The following FTO variants were observed in gnomAD, a reference collection of about 807,000 sequenced individuals.
FTO encodes FTO alpha-ketoglutarate dependent dioxygenase.
FTO carries 47 observed loss-of-function variants against 63.9 expected under a neutral mutation model. The observed-to-expected ratio is 0.74, with a 90% CI of 0.58 to 0.94. FTO has a LOEUF of 0.94. Ranked by LOEUF, FTO falls within the 40% of genes least tolerant of loss-of-function variation. FTO has a pLI of 0.00. For missense variants in FTO, 562 were observed against 618.1 expected (o/e 0.91, Z 0.96); for synonymous variants, 207 against 224.4 (o/e 0.92, Z 0.69).
chr16:53,815,056 A>G (rs1257464673), intron 2 of FTO, among the ~76,000 whole-genome samples: 2 of 149,950 alleles, frequency 1.3e-5, no homozygotes, highest in East Asian at 4.0e-4. Flanking sequence ...GCAGAGGGAG[A>G]CAGCTGGTGA....
At chr16:53,791,022 A>G (rs1290548935) in intron 1 of FTO, among the ~76,000 whole-genome samples, 1 of 152,144 alleles carries the variant, frequency 6.6e-6, no homozygotes, top group East Asian at 1.9e-4. Flanking sequence ...AACGAAGGGA[A>G]ATGAGGATTT....
chr16:54,096,690 G>A (rs1312344752), intron 8 of FTO, among the ~76,000 whole-genome samples: 1 of 152,224 alleles, frequency 6.6e-6, no homozygotes, highest in Non-Finnish European at 1.5e-5. Context: ...GAAAAGTGTT[G>A]GACTAGTGAG....
intron 7 of FTO, among the ~76,000 whole-genome samples, chr16:53,919,563 C>T (rs967122879): frequency 6.6e-5 from 10 of 152,144 alleles, no homozygotes; most frequent in African/African-American, 2.2e-4. Flanking sequence ...TGCAGCAATA[C>T]GGAACCAGTC....
chr16:53,986,627 A>C (rs2083674579), intron 8 of FTO, among the ~76,000 whole-genome samples: 1 of 152,224 alleles, frequency 6.6e-6, no homozygotes, highest in Non-Finnish European at 1.5e-5. Context: ...AACTATAATC[A>C]AGCTGATTGT....
At chr16:53,867,811 T>C (rs1183477402) in intron 4 of FTO, among the ~76,000 whole-genome samples, 1 of 152,216 alleles carries the variant, frequency 6.6e-6, no homozygotes, top group Non-Finnish European at 1.5e-5. Flanking sequence ...TCTCCAGTTA[T>C]AGTAGTGGAT....
At chr16:53,730,109 C>T (rs891248770) in intron 1 of FTO, among the ~76,000 whole-genome samples, 2 of 152,124 alleles carry the variant, frequency 1.3e-5, no homozygotes, top group Admixed American at 1.3e-4. Context: ...GGACAGTATA[C>T]ATTTTGAAGA....
intron 7 of FTO, among the ~76,000 whole-genome samples, chr16:53,915,647 C>T (rs370682733): frequency 6.6e-6 from 1 of 152,158 alleles, no homozygotes; most frequent in Admixed American, 6.5e-5. Context: ...GTGGTAGACT[C>T]GAACACAGGA....
chr16:54,029,101 A>G (rs1386469481), intron 8 of FTO, among the ~76,000 whole-genome samples: 1 of 152,246 alleles, frequency 6.6e-6, no homozygotes, highest in East Asian at 1.9e-4. Flanking sequence ...AAAGGAATCC[A>G]GAAAGATCGT....
At chr16:53,901,484 T>C (rs187598855) in intron 7 of FTO, among the ~76,000 whole-genome samples, 8 of 152,326 alleles carry the variant, frequency 5.3e-5, no homozygotes, top group Admixed American at 2.6e-4. Flanking sequence ...TCATGAGCTA[T>C]TTGATTTGGT....
intron 7 of FTO, among the ~76,000 whole-genome samples, chr16:53,904,166 C>T (rs2081477929): frequency 6.6e-6 from 1 of 151,944 alleles, no homozygotes; most frequent in South Asian, 2.1e-4. Context: ...CTCACCAGTG[C>T]AGTGTATCAT....
intron 3 of FTO, among the ~76,000 whole-genome samples, chr16:53,838,029 C>T (rs999322213): frequency 6.6e-6 from 1 of 152,188 alleles, no homozygotes; most frequent in African/African-American, 2.4e-5. Flanking sequence ...ATACACACAC[C>T]ATGCCATTTC....
chr16:54,014,848 C>CTG (rs2084399196), intron 8 of FTO, among the ~76,000 whole-genome samples: 1 of 94,342 alleles, frequency 1.1e-5, no homozygotes, highest in African/African-American at 7.9e-5. Flanking sequence ...CTCTCTCTCT[C>CTG]TCTTTTTTTT....
At chr16:54,104,382 G>C (rs1177586552) in intron 8 of FTO, among the ~76,000 whole-genome samples, 1 of 149,448 alleles carries the variant, frequency 6.7e-6, no homozygotes, top group Non-Finnish European at 1.5e-5. Flanking sequence ...GTTCGATCTC[G>C]GCTCGCTGCA....
intron 1 of FTO, among the ~76,000 whole-genome samples, chr16:53,789,386 G>A (rs938586813): frequency 2.6e-5 from 4 of 152,310 alleles, no homozygotes; most frequent in Admixed American, 2.6e-4. Context: ...ATGTGAGTAA[G>A]ATTCCTCTGC....
chr16:54,064,956 G>T lies in FTO; in HGVS notation c.1365-46806G>T, dbSNP rs187986973. On this transcript the variant is annotated intron_variant, in intron 8 of 8. Coordinates refer to ENST00000471389, the MANE Select transcript of FTO (RefSeq NM_001080432.3). Reference sequence around the variant, plus strand: ...AATGTAAGTGAGAGGTCTTTCCCTGGCTGCAGATCTCCTCATTCTGATGTG... The same window carrying T: ...AATGTAAGTGAGAGGTCTTTCCCTGTCTGCAGATCTCCTCATTCTGATGTG... Among the ~76,000 whole-genome samples the T allele has an allele frequency of 1.5e-3, 221 of 152,080 alleles. 1 individual carries two copies. The highest frequency in any genetic ancestry group is 3.8e-3 in the Admixed American group (58 of 15,266).
At chr16:53,859,665 T>G (rs2080114244) in intron 4 of FTO, among the ~76,000 whole-genome samples, 1 of 152,026 alleles carries the variant, frequency 6.6e-6, no homozygotes, top group Non-Finnish European at 1.5e-5. Context: ...GACATATGAA[T>G]GCTCAACATG....
intron 8 of FTO, among the ~76,000 whole-genome samples, chr16:53,934,724 G>T (rs1318079548): frequency 6.6e-6 from 1 of 152,160 alleles, no homozygotes; most frequent in African/African-American, 2.4e-5. Flanking sequence ...ATAAGTATTA[G>T]TGTATCTAAG....
chr16:53,880,243 C>T (rs909301814), intron 6 of FTO, among the ~76,000 whole-genome samples: 1 of 152,074 alleles, frequency 6.6e-6, no homozygotes, highest in African/African-American at 2.4e-5. Context: ...GTGATCTGCC[C>T]GCCTCAGCCT....
rs74018593 is a variant in FTO at position 53,798,294 on chromosome 16, C to T, written c.46-11846C>T. On this transcript the variant is annotated intron_variant, in intron 1 of 8. Transcript: ENST00000471389. ...GATGTTTTGTCACTTTAAGTCTTTG[C>T]GTTTCTAAGTGAATTTTAGAAATAG... Among the ~76,000 whole-genome samples the T allele has an allele frequency of 2.5e-3, 377 of 152,024 alleles. 3 individuals carry two copies. The highest frequency in any genetic ancestry group is 8.7e-3 in the African/African-American group (362 of 41,516).
Sources: allele counts gnomAD v4.1 joint callset (sites outside exome capture counted in the v4.1 genomes callset), GRCh38; gene constraint gnomAD v4.1.1; transcripts MANE v1.5; gene names NCBI Gene and HGNC (gene_info 2026-07-23, HGNC 2026-07-21).